CHD2: variants seen among roughly 807,000 people sequenced by gnomAD.
CHD2 encodes chromodomain helicase DNA binding protein 2.
CHD2 carries 28 observed loss-of-function variants against 243.9 expected under a neutral mutation model. The ratio of observed to expected loss-of-function variants is 0.11; its 90% confidence interval spans 0.09 to 0.16. The LOEUF (loss-of-function observed/expected upper bound fraction) is 0.16, where lower values mean the gene tolerates loss of function less well. Among genes scored for constraint, CHD2 ranks in the 10% least tolerant of loss-of-function variants. CHD2 has a pLI of 1.00. For missense variants in CHD2, 1,386 were observed against 2,209.8 expected (o/e 0.63, Z 7.47); for synonymous variants, 775 against 779.0 (o/e 0.99, Z 0.09).
chr15:92,942,057 A>G (rs766860674), intron 8 of CHD2, 102 bp downstream of exon 8: 132 of 1,097,480 alleles, frequency 1.2e-4, no homozygotes, highest in Non-Finnish European at 1.6e-4. Context: ...CTACTGCTGT[A>G]TTTGTTGTGA....
intron 27 of CHD2, 157 bp downstream of exon 27, chr15:92,991,674 C>G (rs942997382): frequency 2.0e-5 from 10 of 507,772 alleles, no homozygotes; most frequent in Admixed American, 1.2e-4. Context: ...GGTGCCTGTT[C>G]ATTCATGTCT....
intron 5 of CHD2, among the ~76,000 whole-genome samples, chr15:92,935,978 C>A (rs1038984318): frequency 2.6e-5 from 4 of 151,688 alleles, no homozygotes; most frequent in Admixed American, 6.6e-5. Flanking sequence ...ATTTGCCTGA[C>A]TTTGGCTAAA....
At chr15:92,984,989 A>T (rs2054023652) in intron 25 of CHD2, among the ~76,000 whole-genome samples, 3 of 152,260 alleles carry the variant, frequency 2.0e-5, no homozygotes, top group African/African-American at 7.2e-5. Flanking sequence ...TGAAATAGGT[A>T]GAACAAGTTT....
chr15:92,917,030 T>C (rs2052851933), intron 2 of CHD2, among the ~76,000 whole-genome samples: 1 of 152,250 alleles, frequency 6.6e-6, no homozygotes, highest in Non-Finnish European at 1.5e-5. Flanking sequence ...TCTCCGTAAT[T>C]GCGTATCCAT....
At chr15:92,985,731 G>A in intron 26 of CHD2, 58 bp downstream of exon 26, 1 of 1,534,542 alleles carries the variant, frequency 6.5e-7, no homozygotes, top group Non-Finnish European at 8.8e-7. Flanking sequence ...GTAAGTCTTG[G>A]GTTGACTGGA....
rs201977718 is a variant in CHD2, at chr15:92,992,919, C to T, written c.3516C>T (p.Arg1172=). 3 of 1,613,990 alleles carry T rather than the reference C, an allele frequency of 1.9e-6. No homozygotes were observed. Among genetic ancestry groups the T allele is most frequent in the Non-Finnish European group, 1.7e-6 (2 of 1,180,032 alleles). ...ATAAGTCGGTGGCAGATCTGAAGCGCCTGGGTGAACTGATCCACAACAGCT... is the reference window on the plus strand; with the variant it reads ...ATAAGTCGGTGGCAGATCTGAAGCGTCTGGGTGAACTGATCCACAACAGCT... ...LVDKSVADLK[R]LGELIHNSCV... The change falls in exon 28 of 39, where the codon CGC becomes CGT. Residue 1172 remains arginine, a synonymous_variant. Transcript: ENST00000394196.
At position 92,967,526 on chromosome 15, in the gene CHD2, T is replaced by C; in HGVS notation, c.2189+13T>C. The C allele has an allele frequency of 6.2e-7, 1 of 1,612,000 alleles. No individual in the cohort carries two copies. The highest frequency in any genetic ancestry group is 8.5e-7 in the Non-Finnish European group (1 of 1,178,468). ...AACAGTATTACAAGTAAGTTCTTGT[T>C]TGGGTTAGGCCTGAAGGGGTTGAGA... On this transcript the variant is annotated intron_variant, in intron 17 of 38. Transcript: ENST00000394196.
chr15:92,972,214 A>G, intron 18 of CHD2, 51 bp from the exon 19 acceptor site: 1 of 1,569,120 alleles, frequency 6.4e-7, no homozygotes, highest in South Asian at 1.1e-5. Flanking sequence ...ATTAGGGAAG[A>G]TTAAAATTTG....
chr15:93,018,704 T>C (rs2054493018), intron 37 of CHD2, among the ~76,000 whole-genome samples: 1 of 152,244 alleles, frequency 6.6e-6, no homozygotes, highest in South Asian at 2.1e-4. Context: ...TTCTGCCTTC[T>C]GGTGGCTGCC....
At chr15:92,919,473 A>G (rs1489355276) in intron 2 of CHD2, among the ~76,000 whole-genome samples, 3 of 151,866 alleles carry the variant, frequency 2.0e-5, no homozygotes, top group Admixed American at 6.6e-5. Flanking sequence ...GCTCACTGCA[A>G]CCTCTGCCTC....
chr15:93,005,042 G>C (rs189245246), intron 34 of CHD2, among the ~76,000 whole-genome samples: 3 of 152,290 alleles, frequency 2.0e-5, no homozygotes, highest in African/African-American at 7.2e-5. Context: ...AGTGTTCACT[G>C]AGCAAGTATT....
chr15:92,912,116 G>A (rs1032545253), intron 2 of CHD2, among the ~76,000 whole-genome samples: 1 of 152,150 alleles, frequency 6.6e-6, no homozygotes, highest in Non-Finnish European at 1.5e-5. Context: ...TTGGCCACAC[G>A]TTTTGAAGAT....
chr15:92,958,735 T>G (rs2053647144), intron 16 of CHD2, among the ~76,000 whole-genome samples: 1 of 152,264 alleles, frequency 6.6e-6, no homozygotes, highest in Non-Finnish European at 1.5e-5. Flanking sequence ...GAAAGTATAC[T>G]TTGAATGAAC....
intron 23 of CHD2, 75 bp from the exon 24 acceptor site, chr15:92,981,290 C>A: frequency 2.1e-6 from 2 of 960,270 alleles, no homozygotes; most frequent in Non-Finnish European, 3.3e-6. Context: ...TTAGTAAATA[C>A]GAATAATTTC....
At chr15:92,904,581 C>T (rs1463265008) in intron 2 of CHD2, 13 of 1,038,356 alleles carry the variant, frequency 1.3e-5, no homozygotes, top group African/African-American at 1.7e-5. Context: ...CCGCCCTTGC[C>T]TGTAGCGGTC....
At chr15:92,979,902 A>T (rs192605763) in intron 22 of CHD2, among the ~76,000 whole-genome samples, 34 of 147,158 alleles carry the variant, frequency 2.3e-4, no homozygotes, top group Non-Finnish European at 3.1e-4. Flanking sequence ...TGGGCGACCG[A>T]TAATAATAAT....
At chr15:92,987,651 A>T (rs1201191340) in intron 26 of CHD2, among the ~76,000 whole-genome samples, 3 of 151,944 alleles carry the variant, frequency 2.0e-5, no homozygotes, top group Admixed American at 6.6e-5. Flanking sequence ...AAAATTTTTT[A>T]AAAATATTTT....
chr15:92,946,947 A>AAT (rs1567137442), intron 12 of CHD2: 2 of 151,838 alleles, frequency 1.3e-5, no homozygotes, highest in East Asian at 3.9e-4. Context: ...AAAAAAAAAA[A>AAT]TAGAGAGCGG....
intron 7 of CHD2, among the ~76,000 whole-genome samples, chr15:92,940,732 G>A (rs2053347926): frequency 6.9e-6 from 1 of 143,912 alleles, no homozygotes; most frequent in Non-Finnish European, 1.5e-5. Context: ...ATCATTCATT[G>A]TTAATATGTG....
Sources: allele counts gnomAD v4.1 joint callset (sites outside exome capture counted in the v4.1 genomes callset), GRCh38; gene constraint gnomAD v4.1.1; transcripts MANE v1.5; gene names NCBI Gene and HGNC (gene_info 2026-07-23, HGNC 2026-07-21).